PAK5: variants seen among roughly 807,000 people sequenced by gnomAD.
PAK5 encodes the protein p21 (RAC1) activated kinase 5.
A neutral mutation model predicts 65.9 loss-of-function variants in PAK5; 16 were observed. That is an observed-to-expected ratio of 0.24 (90% CI 0.16 to 0.37). PAK5 has a LOEUF of 0.37. Among genes scored for constraint, PAK5 ranks in the 10% least tolerant of loss-of-function variants. The pLI is 1.00. For synonymous variants in PAK5, 371 were observed against 354.9 expected (o/e 1.05, Z -0.51); for missense variants, 785 against 903.9 (o/e 0.87, Z 1.69).
intron 1 of PAK5, among the ~76,000 whole-genome samples, chr20:9,808,135 T>C (rs2049255507): frequency 6.6e-6 from 1 of 152,156 alleles, no homozygotes. Context: ...GCACTTTGTG[T>C]GTACCCAGGG....
chr20:9,818,955 A>T (rs115817479), intron 1 of PAK5, among the ~76,000 whole-genome samples: 287 of 152,344 alleles, frequency 1.9e-3, no homozygotes, highest in African/African-American at 6.6e-3. Context: ...GTCTTGTCCA[A>T]AAGTTGAATT....
intron 1 of PAK5, among the ~76,000 whole-genome samples, chr20:9,753,153 C>T (rs562278309): frequency 5.3e-5 from 8 of 152,252 alleles, no homozygotes; most frequent in East Asian, 1.9e-4. Context: ...ATTCCCCAGA[C>T]GACCTGGAGA....
intron 3 of PAK5, among the ~76,000 whole-genome samples, chr20:9,613,495 T>C (rs898403956): frequency 2.6e-5 from 4 of 152,172 alleles, no homozygotes; most frequent in Non-Finnish European, 5.9e-5. Flanking sequence ...ACCCACCCTT[T>C]TGTGAGTTTT....
intron 3 of PAK5, among the ~76,000 whole-genome samples, chr20:9,595,631 T>C (rs1400078168): frequency 1.2e-4 from 19 of 152,216 alleles, no homozygotes; most frequent in Admixed American, 1.2e-3. Context: ...TCAGTTGTTT[T>C]CACATAAAGA....
chr20:9,558,831 G>A lies in PAK5; in HGVS notation c.1617-1097C>T, dbSNP rs572896984. Reference sequence around the variant, plus strand: ...GAAACGAAGCAAAGCATTGGTTATGGCCTCCCATATCTCATGACTGCACCC... The same window carrying A: ...GAAACGAAGCAAAGCATTGGTTATGACCTCCCATATCTCATGACTGCACCC... On this transcript the variant is annotated intron_variant, in intron 6 of 9. Transcript: ENST00000353224. Among the ~76,000 whole-genome samples, 2 of 152,270 alleles carry A rather than the reference G, an allele frequency of 1.3e-5. 1 individual carries two copies. The highest frequency in any genetic ancestry group is 4.8e-5 in the African/African-American group (2 of 41,570).
chr20:9,810,384 G>A (rs1448850284), intron 1 of PAK5, among the ~76,000 whole-genome samples: 1 of 151,974 alleles, frequency 6.6e-6, no homozygotes, highest in African/African-American at 2.4e-5. Context: ...AACAGCCTGG[G>A]AAACAAAGTG....
chr20:9,566,025 G>C lies in PAK5; in HGVS notation c.1350C>G (p.Ala450=), dbSNP rs1367527208. ...VSPGDPREYL[A]NFIKIGEGST... ...AGCCTTCCCCGATTTTGATAAAGTT[G>C]GCCAAGTATTCCCTGGGGTCTCCTG... The change falls in exon 5 of 10, where the codon GCC becomes GCG. Residue 450 remains alanine, a synonymous_variant. Coordinates refer to ENST00000353224, the MANE Select transcript of PAK5 (RefSeq NM_177990.4). 1 of 1,613,668 alleles carries C rather than the reference G, an allele frequency of 6.2e-7. No homozygotes were observed. Among genetic ancestry groups the C allele is most frequent in the Non-Finnish European group, 8.5e-7 (1 of 1,179,954 alleles).
intron 6 of PAK5, among the ~76,000 whole-genome samples, chr20:9,558,811 G>A (rs942417279): frequency 7.2e-5 from 11 of 152,172 alleles, no homozygotes; most frequent in African/African-American, 2.2e-4. Flanking sequence ...AATGAGAAAC[G>A]AAGCAAAGCA....
At chr20:9,594,612 A>T (rs2046230972) in intron 3 of PAK5, among the ~76,000 whole-genome samples, 1 of 152,216 alleles carries the variant, frequency 6.6e-6, no homozygotes, top group Non-Finnish European at 1.5e-5. Flanking sequence ...CAATCTGTAG[A>T]CAATGACAAT....
At chr20:9,664,651 C>T (rs1176115062) in intron 2 of PAK5, among the ~76,000 whole-genome samples, 1 of 152,070 alleles carries the variant, frequency 6.6e-6, no homozygotes, top group Non-Finnish European at 1.5e-5. Context: ...AATTATTTCG[C>T]CCACATTCTT....
chr20:9,666,631 C>T (rs1389761178), intron 2 of PAK5, among the ~76,000 whole-genome samples: 3 of 152,126 alleles, frequency 2.0e-5, no homozygotes, highest in Non-Finnish European at 4.4e-5. Context: ...TGTCTCCCCA[C>T]CTCCACCACC....
intron 2 of PAK5, among the ~76,000 whole-genome samples, chr20:9,678,676 A>G (rs1402642600): frequency 6.6e-6 from 1 of 152,174 alleles, no homozygotes; most frequent in Non-Finnish European, 1.5e-5. Context: ...GAAACTCACA[A>G]TTATGGCAGA....
chr20:9,653,556 C>G (rs1387714178), intron 2 of PAK5, among the ~76,000 whole-genome samples: 1 of 152,174 alleles, frequency 6.6e-6, no homozygotes, highest in Non-Finnish European at 1.5e-5. Flanking sequence ...GAAGCCAGTT[C>G]TGAGAGTTCA....
chr20:9,657,259 G>C (rs112853873), intron 2 of PAK5, among the ~76,000 whole-genome samples: 13 of 152,250 alleles, frequency 8.5e-5, no homozygotes, highest in African/African-American at 3.1e-4. Context: ...GACCATCTGG[G>C]ATGGTCCTGT....
intron 9 of PAK5, among the ~76,000 whole-genome samples, chr20:9,540,737 CT>C (rs1168963029): frequency 0.068 from 9,374 of 138,144 alleles, 271 homozygotes; most frequent in Non-Finnish European, 0.09. Flanking sequence ...TTTTTAGTCA[CT>C]TTTTTTTTTT....
At chr20:9,829,592 G>A (rs1250194727) in intron 1 of PAK5, among the ~76,000 whole-genome samples, 3 of 152,036 alleles carry the variant, frequency 2.0e-5, no homozygotes, top group South Asian at 2.1e-4. Flanking sequence ...CTACATTGCC[G>A]TTGCATGATT....
intron 3 of PAK5, among the ~76,000 whole-genome samples, chr20:9,641,645 T>TGC (rs1220362453): frequency 2.0e-5 from 3 of 151,802 alleles, no homozygotes; most frequent in Non-Finnish European, 4.4e-5. Flanking sequence ...CAGGGGGTGG[T>TGC]GCTCGTCAGG....
Position 9,542,593 on chromosome 20 carries a change from A to G in PAK5, c.1997T>C (p.Leu666Pro). The change falls in exon 9 of 10, where the codon CTA becomes CCA. Residue 666 changes from leucine (L) to proline (P), a missense_variant. Coordinates refer to ENST00000353224, the MANE Select transcript of PAK5 (RefSeq NM_177990.4). ...RDSLPPRVKD[L>P]HKVSSVLRGF... ...ACAGCTGCTGTTTCTCACCTTGTGT[A>G]GGTCCTTCACTCTTGGAGGTAAACT... 2.5e-6 allele frequency: 4 copies of G among 1,614,136 alleles called. No individual in the cohort carries two copies. The highest frequency in any genetic ancestry group is 3.4e-6 in the Non-Finnish European group (4 of 1,179,980).
chr20:9,782,204 AG>A (rs552327752), intron 1 of PAK5, among the ~76,000 whole-genome samples: 2 of 152,090 alleles, frequency 1.3e-5, no homozygotes, highest in African/African-American at 4.8e-5. Context: ...TTCTTCCCCC[AG>A]ATATCTACAT....
Sources: allele counts gnomAD v4.1 joint callset (sites outside exome capture counted in the v4.1 genomes callset), GRCh38; gene constraint gnomAD v4.1.1; transcripts MANE v1.5; gene names NCBI Gene and HGNC (gene_info 2026-07-23, HGNC 2026-07-21).